Variants in LMNTD1 observed in about 807,000 individuals in gnomAD.
LMNTD1 encodes the protein lamin tail domain-containing protein 1.
In LMNTD1, 35 loss-of-function variants were observed where a neutral mutation model predicts 50.9. That is an observed-to-expected ratio of 0.69 (90% CI 0.53 to 0.91). The LOEUF (loss-of-function observed/expected upper bound fraction) is 0.91. Ranked by LOEUF, LMNTD1 falls within the 40% of genes least tolerant of loss-of-function variation. The pLI is 0.00. For missense variants in LMNTD1, 470 were observed against 475.5 expected (o/e 0.99, Z 0.11); for synonymous variants, 153 against 161.9 (o/e 0.94, Z 0.42).
At chr12:25,586,234 C>T (rs892039046) in intron 1 of LMNTD1, 5 of 151,516 alleles carry the variant, frequency 3.3e-5, no homozygotes, top group African/African-American at 1.2e-4. Context: ...TTGAAAATTC[C>T]CCATGATGAT....
intron 1 of LMNTD1, among the ~76,000 whole-genome samples, chr12:25,585,780 A>G (rs1019554067): frequency 6.6e-6 from 1 of 152,176 alleles, no homozygotes; most frequent in African/African-American, 2.4e-5. Flanking sequence ...TGAGTTATGC[A>G]TGGCTGGGGT....
chr12:25,514,907 T>A (rs1317550621), intron 8 of LMNTD1, among the ~76,000 whole-genome samples: 1 of 152,142 alleles, frequency 6.6e-6, no homozygotes, highest in Non-Finnish European at 1.5e-5. Flanking sequence ...ATTCTGGCAA[T>A]ATAAAGTTAG....
At chr12:25,536,524 T>C (rs149802038) in intron 4 of LMNTD1, among the ~76,000 whole-genome samples, 1 of 152,312 alleles carries the variant, frequency 6.6e-6, no homozygotes, top group East Asian at 1.9e-4. Flanking sequence ...AATTAGAAAG[T>C]ATTTTGAACT....
chr12:25,557,338 TAA>T (rs1944085023), upstream of LMNTD1: 1 of 152,210 alleles, frequency 6.6e-6, no homozygotes, highest in Non-Finnish European at 1.5e-5. Flanking sequence ...TTGTTCAAAG[TAA>T]TCTTCATGGA....
At chr12:25,528,987 C>T (rs1942022920) in intron 4 of LMNTD1, among the ~76,000 whole-genome samples, 1 of 152,168 alleles carries the variant, frequency 6.6e-6, no homozygotes, top group African/African-American at 2.4e-5. Context: ...TTAATCACCT[C>T]TTATTTACTT....
intron 1 of LMNTD1, among the ~76,000 whole-genome samples, chr12:25,589,680 A>G (rs538386609): frequency 1.3e-5 from 2 of 152,358 alleles, no homozygotes; most frequent in East Asian, 1.9e-4. Context: ...GATGCTCCAG[A>G]CCAGCCAAAT....
chr12:25,583,902 C>T (rs530205684), intron 1 of LMNTD1, among the ~76,000 whole-genome samples: 1 of 152,156 alleles, frequency 6.6e-6, no homozygotes, highest in Non-Finnish European at 1.5e-5. Context: ...CATGATCTGG[C>T]TTGTGTCTTT....
intron 1 of LMNTD1, among the ~76,000 whole-genome samples, chr12:25,602,322 A>G (rs978061443): frequency 6.6e-6 from 1 of 151,950 alleles, no homozygotes; most frequent in African/African-American, 2.4e-5. Flanking sequence ...AAGAAAGAAA[A>G]AAAACCTCAA....
rs752304087 is a variant in LMNTD1 at position 25,519,518 on chromosome 12, G to C, written c.1016+340C>G. On this transcript the variant is annotated intron_variant, in intron 7 of 9. Coordinates refer to ENST00000458174, the MANE Select transcript of LMNTD1 (RefSeq NM_001145728.2). ...CAGCAGAATGGCGTGAACCGGCAGG[G>C]CGGAGCCTGCAGTGAGCCGAGATGG... is the stretch of plus-strand genomic sequence containing the variant. Among the ~76,000 whole-genome samples, 134 of 148,818 alleles carry C rather than the reference G, an allele frequency of 9.0e-4. 1 individual carries two copies. The highest frequency in any genetic ancestry group is 7.0e-3 in the Middle Eastern group (2 of 284).
At chr12:25,605,813 G>A (rs1305721803) in intron 1 of LMNTD1, among the ~76,000 whole-genome samples, 1 of 149,828 alleles carries the variant, frequency 6.7e-6, no homozygotes, top group East Asian at 2.0e-4. Context: ...TTAGGCAAAT[G>A]TGGGCTCTTT....
At chr12:25,623,326 G>T (rs1487625621) in intron 1 of LMNTD1, among the ~76,000 whole-genome samples, 1 of 151,834 alleles carries the variant, frequency 6.6e-6, no homozygotes, top group African/African-American at 2.4e-5. Flanking sequence ...AAAGTGAGTG[G>T]ATCACTTGAG....
At position 25,590,338 on chromosome 12, in the gene LMNTD1, T is replaced by G. The variant is rs180824399; in HGVS notation, c.59-43784A>C. On this transcript the variant is annotated intron_variant, in intron 1 of 7. Coordinates refer to the LMNTD1 transcript ENST00000445693. Reference sequence around the variant, plus strand: ...GGACCATCTCTATTGATGCCCACCATGGAGAGAGCAATTAAAGTAGCCTAG... The same window carrying G: ...GGACCATCTCTATTGATGCCCACCAGGGAGAGAGCAATTAAAGTAGCCTAG... Among the ~76,000 whole-genome samples the G allele has an allele frequency of 3.8e-3, 572 of 152,296 alleles. 3 individuals are homozygous for G. Among genetic ancestry groups the G allele is most frequent in the African/African-American group, 0.013 (547 of 41,552 alleles).
intron 1 of LMNTD1, among the ~76,000 whole-genome samples, chr12:25,559,330 A>T (rs1316940167): frequency 6.6e-6 from 1 of 152,122 alleles, no homozygotes; most frequent in Non-Finnish European, 1.5e-5. Context: ...TTTGCTCAGA[A>T]TGATGGTTTC....
At chr12:25,515,843 AT>A (rs1940720502) in intron 8 of LMNTD1, among the ~76,000 whole-genome samples, 1 of 152,134 alleles carries the variant, frequency 6.6e-6, no homozygotes, top group Non-Finnish European at 1.5e-5. Flanking sequence ...TCTATCTAAG[AT>A]TCTTCTGTAA....
Position 25,639,043 on chromosome 12 carries a change from G to T in LMNTD1, c.58+9451C>A, listed in dbSNP as rs75477282. ...CATAGTCAATTGATTTTTGACAAGGGTGCTAAGGCAATTCAAGGGAAAAAG... is the reference window on the plus strand; with the variant it reads ...CATAGTCAATTGATTTTTGACAAGGTTGCTAAGGCAATTCAAGGGAAAAAG... On this transcript the variant is annotated intron_variant, in intron 1 of 7. Transcript: ENST00000445693. Among the ~76,000 whole-genome samples, 556 of 152,218 alleles carry T rather than the reference G, an allele frequency of 3.7e-3. 5 individuals carry two copies. In the East Asian group the frequency reaches 0.041, roughly 11 times the overall value.
chr12:25,538,280 C>G (rs1178020237), intron 4 of LMNTD1, among the ~76,000 whole-genome samples: 1 of 141,062 alleles, frequency 7.1e-6, no homozygotes, highest in Non-Finnish European at 1.6e-5. Flanking sequence ...GTCAGATTCA[C>G]CAAAGTTGAA....
intron 1 of LMNTD1, among the ~76,000 whole-genome samples, chr12:25,622,463 G>GCCCCCACC (rs199777995): frequency 9.0e-6 from 1 of 111,154 alleles, no homozygotes; most frequent in South Asian, 2.9e-4. Context: ...GAGTTTGTGA[G>GCCCCCACC]CCCGCCCCCC....
intron 1 of LMNTD1, among the ~76,000 whole-genome samples, chr12:25,602,615 G>T (rs1946005672): frequency 6.6e-6 from 1 of 152,000 alleles, no homozygotes; most frequent in East Asian, 1.9e-4. Flanking sequence ...AGATCCAGAA[G>T]TTTACTTCCC....
intron 2 of LMNTD1, among the ~76,000 whole-genome samples, chr12:25,551,347 T>C (rs894977848): frequency 2.6e-5 from 4 of 152,148 alleles, no homozygotes; most frequent in African/African-American, 9.7e-5. Context: ...CCTGGAGCTA[T>C]AGGGTGTTCT....
Sources: gnomAD v4.1 joint callset for allele counts (sites outside exome capture counted in the v4.1 genomes callset) on GRCh38, gnomAD v4.1.1 for gene constraint, MANE v1.5 for transcripts, NCBI Gene and HGNC (gene_info 2026-07-23, HGNC 2026-07-21) for gene names.